The following EYA2 variants were observed in gnomAD, a reference collection of about 807,000 sequenced individuals.
EYA2 encodes the protein EYA transcriptional coactivator and phosphatase 2.
Under a neutral mutation model 69.2 loss-of-function variants are expected in EYA2, and 31 were observed. That is an observed-to-expected ratio of 0.45 (90% CI 0.34 to 0.60). The LOEUF is 0.60. Among genes scored for constraint, EYA2 ranks in the 20% least tolerant of loss-of-function variants. The pLI, the probability that EYA2 is intolerant of heterozygous loss-of-function variation, is 0.02. For synonymous variants in EYA2, 257 were observed against 279.4 expected (o/e 0.92, Z 0.80); for missense variants, 622 against 701.2 (o/e 0.89, Z 1.28).
chr20:47,023,638 T>TTTTG (rs1555813791), intron 5 of EYA2, among the ~76,000 whole-genome samples: 4 of 70,566 alleles, frequency 5.7e-5, no homozygotes, highest in Middle Eastern at 7.1e-3. Flanking sequence ...GGGTGTTTTT[T>TTTTG]TTTTTTTTTT....
At chr20:47,071,907 G>A (rs1224280653) in intron 5 of EYA2, 21 of 438,368 alleles carry the variant, frequency 4.8e-5, no homozygotes, top group Non-Finnish European at 7.2e-5. Context: ...TAGGGGTCAC[G>A]TGAGCCATAG....
At chr20:46,948,357 G>A (rs939537710) in intron 1 of EYA2, among the ~76,000 whole-genome samples, 2 of 152,154 alleles carry the variant, frequency 1.3e-5, no homozygotes, top group South Asian at 2.1e-4. Flanking sequence ...AAAAGCAGGC[G>A]GTGGGCTGGG....
intron 15 of EYA2, among the ~76,000 whole-genome samples, chr20:47,187,778 G>A (rs1022886422): frequency 2.0e-5 from 3 of 152,212 alleles, no homozygotes; most frequent in Non-Finnish European, 4.4e-5. Flanking sequence ...CTAAGACCAC[G>A]CTGGTACCAA....
At chr20:47,011,623 A>G (rs905653346) in intron 4 of EYA2, among the ~76,000 whole-genome samples, 1 of 114,878 alleles carries the variant, frequency 8.7e-6, no homozygotes, top group African/African-American at 2.6e-5. Flanking sequence ...CTGCCTGGAC[A>G]GGTATTCCTT....
Position 47,015,662 on chromosome 20 carries a change from A to T in EYA2, c.299-519A>T, listed in dbSNP as rs374393107. Among the ~76,000 whole-genome samples the T allele has an allele frequency of 3.0e-4, 46 of 152,298 alleles. No individual in the cohort carries two copies. The South Asian group carries it at 9.6e-3, about 32-fold the overall frequency. ...CATACCTACCAAGCTGGCAGGTAGC[A>T]TGAAGCTGGTGGCATGTACAAAATA... On this transcript the variant is annotated intron_variant, in intron 4 of 15. Coordinates refer to ENST00000327619, the MANE Select transcript of EYA2 (RefSeq NM_005244.5).
chr20:46,928,463 T>A (rs904885748), intron 1 of EYA2, among the ~76,000 whole-genome samples: 1 of 152,212 alleles, frequency 6.6e-6, no homozygotes, highest in Non-Finnish European at 1.5e-5. Flanking sequence ...CATTTTTTCC[T>A]CACTGGAGCC....
intron 4 of EYA2, 128 bp from the exon 5 acceptor site, chr20:47,016,053 T>G (rs1983387410): frequency 1.4e-6 from 1 of 727,772 alleles, no homozygotes; most frequent in Non-Finnish European, 2.5e-6. Context: ...AGCCACCAGT[T>G]TGCAACTCCT....
chr20:47,080,895 T>C (rs1197746528), intron 7 of EYA2, among the ~76,000 whole-genome samples: 2 of 152,156 alleles, frequency 1.3e-5, no homozygotes, highest in Non-Finnish European at 2.9e-5. Flanking sequence ...AGAGACAAGG[T>C]CTTACTCTGT....
chr20:47,159,592 T>G (rs2034022995), intron 10 of EYA2, among the ~76,000 whole-genome samples: 1 of 152,044 alleles, frequency 6.6e-6, no homozygotes, highest in African/African-American at 2.4e-5. Flanking sequence ...CTTATTAGTT[T>G]TGACAAATGC....
chr20:47,147,829 C>T (rs941497964), intron 10 of EYA2, among the ~76,000 whole-genome samples: 19 of 152,030 alleles, frequency 1.2e-4, no homozygotes, highest in Non-Finnish European at 2.6e-4. Context: ...GAGGCCGAGG[C>T]GGGTGGATCA....
chr20:46,947,198 C>T (rs571171419), intron 1 of EYA2, among the ~76,000 whole-genome samples: 1 of 152,278 alleles, frequency 6.6e-6, no homozygotes, highest in East Asian at 1.9e-4. Flanking sequence ...AAGAGCATTA[C>T]TAACCCTCCC....
intron 9 of EYA2, among the ~76,000 whole-genome samples, chr20:47,135,477 A>T (rs955137053): frequency 2.0e-5 from 3 of 150,770 alleles, no homozygotes; most frequent in Non-Finnish European, 3.0e-5. Flanking sequence ...CATTATTATT[A>T]ATTATTATTA....
At chr20:47,172,113 A>T (rs6122558) in intron 11 of EYA2, among the ~76,000 whole-genome samples, 56,908 of 145,650 alleles carry the variant, frequency 0.39, 11,982 homozygotes, top group Non-Finnish European at 0.49. Context: ...TAAATAAAAA[A>T]AAATAAAAAA....
intron 5 of EYA2, 158 bp from the exon 6 acceptor site, chr20:47,072,027 G>A: frequency 2.9e-6 from 2 of 691,946 alleles, no homozygotes; most frequent in South Asian, 3.4e-5. Context: ...GTTGCTTTGG[G>A]AACGCTGGTG....
intron 4 of EYA2, among the ~76,000 whole-genome samples, 167 bp downstream of exon 4, chr20:47,005,251 G>A (rs1982636443): frequency 6.6e-6 from 1 of 152,218 alleles, no homozygotes; most frequent in South Asian, 2.1e-4. Flanking sequence ...AAATTCTATA[G>A]CCTATAATAT....
intron 1 of EYA2, among the ~76,000 whole-genome samples, chr20:46,897,749 G>GGTGCCTTCTTTA (rs2146206527): frequency 6.6e-6 from 1 of 152,300 alleles, no homozygotes; most frequent in Non-Finnish European, 1.5e-5. Context: ...AGGGAGTGGA[G>GGTGCCTTCTTTA]GTGCCTTCTT....
At chr20:46,932,382 G>T (rs1171603890) in intron 1 of EYA2, among the ~76,000 whole-genome samples, 2 of 152,330 alleles carry the variant, frequency 1.3e-5, no homozygotes, top group Non-Finnish European at 2.9e-5. Flanking sequence ...GTGGGCTCTG[G>T]AATAGAGTTT....
At chr20:47,072,095 T>A in intron 5 of EYA2, 90 bp from the exon 6 acceptor site, 1 of 1,181,010 alleles carries the variant, frequency 8.5e-7, no homozygotes. Context: ...TGAAGCCACA[T>A]GGAGGGAGGT....
intron 4 of EYA2, 59 bp from the exon 5 acceptor site, chr20:47,016,122 C>T: frequency 3.2e-6 from 4 of 1,260,406 alleles, no homozygotes; most frequent in Non-Finnish European, 3.5e-6. Flanking sequence ...TTGTGGGTGA[C>T]AAGGACGCAT....
Sources: gnomAD v4.1 joint callset for allele counts (sites outside exome capture counted in the v4.1 genomes callset) on GRCh38, gnomAD v4.1.1 for gene constraint, MANE v1.5 for transcripts, NCBI Gene and HGNC (gene_info 2026-07-23, HGNC 2026-07-21) for gene names.